The following ANXA5 variants were observed in gnomAD, a reference collection of about 807,000 sequenced individuals.
ANXA5 encodes annexin A5, also known as CBP-I.
In ANXA5, 40 loss-of-function variants were observed where a neutral mutation model predicts 48.1. That is an observed-to-expected ratio of 0.83 (90% CI 0.65 to 1.08). The LOEUF (loss-of-function observed/expected upper bound fraction) is 1.08. Ranked by LOEUF, ANXA5 falls within the 50% of genes least tolerant of loss-of-function variation. The pLI, the probability that ANXA5 is intolerant of heterozygous loss-of-function variation, is 0.00. For missense variants in ANXA5, 357 were observed against 376.8 expected, an observed-to-expected ratio of 0.95 and a Z score of 0.44; for synonymous variants, 113 against 129.1, an observed-to-expected ratio of 0.88 and a Z score of 0.85.
chr4:121,672,458 G>T, intron 9 of ANXA5, 75 bp downstream of exon 9: 1 of 974,916 alleles, frequency 1.0e-6, no homozygotes, highest in Non-Finnish European at 1.6e-6. Flanking sequence ...TATGTAGCAG[G>T]TATTCTGTCA....
intron 1 of ANXA5, 30 bp from the exon 2 acceptor site, chr4:121,696,654 C>A: frequency 7.6e-7 from 1 of 1,319,456 alleles, no homozygotes; most frequent in South Asian, 2.5e-5. Context: ...TCGGGCTTAG[C>A]GCGCCATTTG....
chr4:121,696,673 G>A, intron 1 of ANXA5, 49 bp from the exon 2 acceptor site: 1 of 1,240,204 alleles, frequency 8.1e-7, no homozygotes, highest in Non-Finnish European at 1.0e-6. Flanking sequence ...TGCAACTCGT[G>A]CCCTCCCCAA....
rs752020014 is a variant in ANXA5, at chr4:121,677,925, A to G, written c.500T>C (p.Ile167Thr). The G allele has an allele frequency of 4.3e-6, 7 of 1,613,890 alleles. No homozygotes were observed. Among genetic ancestry groups the G allele is most frequent in the East Asian group, 2.2e-5 (1 of 44,854 alleles). ...ATCTTGTTCAACTTGAGCTTCATCA[A>G]TTCCAGCATCAGGGTCTCTGTTAGC... is the stretch of plus-strand genomic sequence containing the variant. ...LQANRDPDAG[I>T]DEAQVEQDAQ... Residue 167 changes from isoleucine to threonine, a missense_variant, in exon 8 of 13, where the codon ATT becomes ACT. Ile to Thr is a moderately conservative substitution (Grantham distance 89). Coordinates refer to ENST00000296511, the MANE Select transcript of ANXA5 (RefSeq NM_001154.4).
chr4:121,673,495 G>T (rs965737114), intron 8 of ANXA5, among the ~76,000 whole-genome samples: 20 of 152,258 alleles, frequency 1.3e-4, no homozygotes, highest in African/African-American at 4.8e-4. Flanking sequence ...CCCACAAGCA[G>T]CAATCCAAAT....
chr4:121,684,870 TCC>T (rs747368968), intron 3 of ANXA5, 99 bp from the exon 4 acceptor site: 96 of 855,148 alleles, frequency 1.1e-4, no homozygotes, highest in Non-Finnish European at 8.2e-5. Context: ...TCCTTGCCTC[TCC>T]CTATGCGAAT....
At chr4:121,687,614 C>T (rs1306642440) in intron 2 of ANXA5, among the ~76,000 whole-genome samples, 1 of 152,120 alleles carries the variant, frequency 6.6e-6, no homozygotes, top group East Asian at 1.9e-4. Flanking sequence ...GCTATGCCAA[C>T]AATAACATAA....
At chr4:121,672,394 C>G (rs1724627553) in intron 9 of ANXA5, 139 bp downstream of exon 9, 1 of 617,776 alleles carries the variant, frequency 1.6e-6, no homozygotes, top group East Asian at 2.8e-5. Flanking sequence ...TGAGATTTCT[C>G]CAGGTCACCA....
chr4:121,675,468 A>G (rs1479873861), intron 8 of ANXA5, among the ~76,000 whole-genome samples: 1 of 152,228 alleles, frequency 6.6e-6, no homozygotes, highest in African/African-American at 2.4e-5. Context: ...CCAAAAGATT[A>G]TTTGTTTTCA....
At chr4:121,678,181 T>C in intron 7 of ANXA5, 1 of 607,636 alleles carries the variant, frequency 1.6e-6, no homozygotes, top group Non-Finnish European at 2.9e-6. Flanking sequence ...TATCATTCTA[T>C]GAAAGGAACA....
chr4:121,687,344 G>A (rs542046312), intron 2 of ANXA5, among the ~76,000 whole-genome samples: 52 of 151,472 alleles, frequency 3.4e-4, no homozygotes, highest in Admixed American at 1.1e-3. Flanking sequence ...TAGATCCTGA[G>A]AGTCATAAGG....
chr4:121,676,085 C>T (rs1724693717), intron 8 of ANXA5, among the ~76,000 whole-genome samples: 1 of 152,154 alleles, frequency 6.6e-6, no homozygotes, highest in Non-Finnish European at 1.5e-5. Flanking sequence ...TCCTATCCTA[C>T]TCTTGACAGT....
chr4:121,671,582 G>C lies in ANXA5; in HGVS notation c.686C>G (p.Thr229Ser). Residue 229 changes from threonine to serine, a missense_variant, in exon 10 of 13, where the codon ACT (threonine) becomes AGT (serine). Coordinates refer to ENST00000296511, the MANE Select transcript of ANXA5 (RefSeq NM_001154.4). ...FQIEETIDRE[T>S]SGNLEQLLLA... is the part of the protein sequence containing the mutation. The stretch of plus-strand genomic sequence containing the variant: ...GAGTAGTTGCTCTAAATTGCCAGAA[G>C]TCTCGCGGTCAATGGTTTCCTCAAT... 1 of 1,613,582 alleles carries C rather than the reference G, an allele frequency of 6.2e-7. No homozygotes were observed. Among genetic ancestry groups the C allele is most frequent in the Non-Finnish European group, 8.5e-7 (1 of 1,179,616 alleles).
At position 121,670,022 on chromosome 4, in the gene ANXA5, TAAAC is replaced by T. The variant is rs1724587466; in HGVS notation, c.722-14_722-11del. 1 of 1,578,574 alleles carries T rather than the reference TAAAC, an allele frequency of 6.3e-7. No homozygotes were observed. The highest frequency in any genetic ancestry group is 8.6e-7 in the Non-Finnish European group (1 of 1,156,742). ...CTTCGAATAGATTTCACTAAGAAAA[TAAAC>T]AATACAATGGTCAAATGCTATTTTG... On this transcript the variant is annotated splice_polypyrimidine_tract_variant and intron_variant, in intron 10 of 12. Coordinates refer to ENST00000296511, the MANE Select transcript of ANXA5 (RefSeq NM_001154.4).
Position 121,669,577 on chromosome 4 carries a change from G to A in ANXA5, c.903+25C>T, listed in dbSNP as rs145268573. 3.0e-5 allele frequency: 49 copies of A among 1,612,360 alleles called. No individual in the cohort carries two copies. In the African/African-American group the frequency reaches 4.3e-4, roughly 14 times the overall value. On this transcript the variant is annotated intron_variant, in intron 12 of 12. Transcript: ENST00000296511. ...ACCAGTCTGCTTTGGATTCCCAAACGTAATTTAAAGAAAGGTTCTACTACC... is the reference window on the plus strand; with the variant it reads ...ACCAGTCTGCTTTGGATTCCCAAACATAATTTAAAGAAAGGTTCTACTACC...
intron 2 of ANXA5, among the ~76,000 whole-genome samples, chr4:121,693,758 G>A (rs894036251): frequency 3.3e-5 from 5 of 152,198 alleles, no homozygotes; most frequent in African/African-American, 1.2e-4. Context: ...ACCAGGAGCA[G>A]CACAGGCCAC....
chr4:121,669,389 G>C lies in ANXA5; in HGVS notation c.903+213C>G. ...TAAATAATGCTTCTGAGTTCACCAA[G>C]AGCCTCAGCCACATCAATACCCATG... On this transcript the variant is annotated intron_variant, in intron 12 of 12. Coordinates refer to ENST00000296511, the MANE Select transcript of ANXA5 (RefSeq NM_001154.4). 5.4e-6 allele frequency: 3 copies of C among 558,282 alleles called. No individual in the cohort carries two copies. In the South Asian group the frequency reaches 8.1e-5, roughly 15 times the overall value. The allele number at this position is 558,282 out of a possible 1,614,324, so 34.6% of individuals were successfully genotyped here.
At chr4:121,678,581 A>G (rs1458727743) in intron 6 of ANXA5, 87 bp from the exon 7 acceptor site, 5 of 1,090,092 alleles carry the variant, frequency 4.6e-6, no homozygotes, top group Non-Finnish European at 6.8e-6. Flanking sequence ...AAGCGATGTA[A>G]AAGAAGAAAT....
Position 121,669,951 on chromosome 4 carries a change from T to TA in ANXA5, c.780+2dup. 2 of 1,589,250 alleles carry TA rather than the reference T, an allele frequency of 1.3e-6. No individual in the cohort carries two copies. Among genetic ancestry groups the TA allele is most frequent in the Non-Finnish European group, 1.7e-6 (2 of 1,165,742 alleles). ...AGATAGAAGGTTCATGGTCTCCACT[T>TA]ACCTTCATAGCATAATAGAGGGTCT... On this transcript the variant is annotated splice_region_variant and intron_variant, in intron 11 of 12. Transcript: ENST00000296511.
chr4:121,681,537 G>GTCATTCAT (rs200277257), intron 6 of ANXA5, 134 bp downstream of exon 6: 3 of 576,508 alleles, frequency 5.2e-6, no homozygotes, highest in Middle Eastern at 3.0e-4. Flanking sequence ...TGAATTGCAG[G>GTCATTCAT]TCATTCATTC....
Sources: allele counts gnomAD v4.1 joint callset (sites outside exome capture counted in the v4.1 genomes callset), GRCh38; gene constraint gnomAD v4.1.1; transcripts MANE v1.5; gene names NCBI Gene and HGNC (gene_info 2026-07-23, HGNC 2026-07-21).